DCC: variants seen among roughly 807,000 people sequenced by gnomAD.
DCC encodes netrin receptor DCC.
DCC carries 58 observed loss-of-function variants against 172.5 expected under a neutral mutation model. The observed-to-expected ratio is 0.34, with a 90% CI of 0.27 to 0.42. The LOEUF (loss-of-function observed/expected upper bound fraction) is 0.42. DCC is among the 10% of genes least tolerant of loss of function. The pLI, the probability that DCC is intolerant of heterozygous loss-of-function variation, is 1.00. For synonymous variants in DCC, 709 were observed against 644.5 expected, an observed-to-expected ratio of 1.10 and a Z score of -1.52; for missense variants, 1,740 against 1,791.0, an observed-to-expected ratio of 0.97 and a Z score of 0.51.
chr18:53,002,755 G>C (rs7228076), intron 5 of DCC, among the ~76,000 whole-genome samples: 13 of 151,892 alleles, frequency 8.6e-5, no homozygotes, highest in South Asian at 2.1e-4. Context: ...TAAAAGAAAC[G>C]TTTATTTTTG....
intron 8 of DCC, among the ~76,000 whole-genome samples, chr18:53,164,031 G>T (rs575773524): frequency 6.6e-6 from 1 of 152,102 alleles, no homozygotes; most frequent in Non-Finnish European, 1.5e-5. Flanking sequence ...CTAGAATTTC[G>T]TGCAGACCAT....
At chr18:53,450,800 C>T (rs2045401930) in intron 23 of DCC, 138 bp downstream of exon 23, 1 of 747,810 alleles carries the variant, frequency 1.3e-6, no homozygotes, top group African/African-American at 1.7e-5. Flanking sequence ...TGCGTTTTGT[C>T]TATTCCAGGC....
At chr18:52,644,754 GAGAA>G (rs1385434101) in intron 1 of DCC, among the ~76,000 whole-genome samples, 4 of 110,540 alleles carry the variant, frequency 3.6e-5, no homozygotes, top group African/African-American at 1.6e-4. Flanking sequence ...GAAAGAAAGA[GAGAA>G]AGAGAGAAGG....
intron 5 of DCC, among the ~76,000 whole-genome samples, chr18:52,988,290 T>C (rs1432340964): frequency 6.6e-6 from 1 of 152,168 alleles, no homozygotes; most frequent in Admixed American, 6.5e-5. Flanking sequence ...GTCTTTCCTC[T>C]TACTTTATAC....
At chr18:53,098,707 C>T (rs542979589) in intron 7 of DCC, among the ~76,000 whole-genome samples, 2 of 152,170 alleles carry the variant, frequency 1.3e-5, no homozygotes, top group South Asian at 2.1e-4. Context: ...ACTTTGCCCC[C>T]CTTTATAATT....
chr18:53,379,175 G>T (rs1599084379), intron 15 of DCC, among the ~76,000 whole-genome samples: 2 of 152,306 alleles, frequency 1.3e-5, no homozygotes, highest in Non-Finnish European at 2.9e-5. Context: ...CTGGTTCATT[G>T]CAATGAGCAG....
intron 7 of DCC, among the ~76,000 whole-genome samples, chr18:53,092,305 C>T (rs192800711): frequency 7.9e-5 from 12 of 152,010 alleles, no homozygotes; most frequent in East Asian, 1.9e-4. Context: ...ATTTGGGAAC[C>T]GAAGTCGTAA....
intron 9 of DCC, among the ~76,000 whole-genome samples, chr18:53,182,117 G>A (rs1368323184): frequency 6.6e-6 from 1 of 152,138 alleles, no homozygotes; most frequent in Non-Finnish European, 1.5e-5. Flanking sequence ...AAATGATAAG[G>A]CATAAAATAA....
At chr18:53,184,465 T>C (rs1412082900) in intron 9 of DCC, among the ~76,000 whole-genome samples, 1 of 152,072 alleles carries the variant, frequency 6.6e-6, no homozygotes, top group Non-Finnish European at 1.5e-5. Context: ...CTCTATGGTA[T>C]AGTCTACTAC....
chr18:52,812,689 T>C (rs2038224515), intron 2 of DCC, among the ~76,000 whole-genome samples: 1 of 152,226 alleles, frequency 6.6e-6, no homozygotes, highest in Admixed American at 6.5e-5. Flanking sequence ...GCTTAAATAG[T>C]GCTTAAGAAT....
intron 2 of DCC, among the ~76,000 whole-genome samples, chr18:52,856,640 AAAAG>A (rs2039060377): frequency 6.7e-6 from 1 of 149,624 alleles, no homozygotes; most frequent in Non-Finnish European, 1.5e-5. Flanking sequence ...AAAAAAAAAA[AAAAG>A]AAAACAAAAT....
intron 5 of DCC, among the ~76,000 whole-genome samples, chr18:53,049,007 C>T (rs1200202282): frequency 6.6e-6 from 1 of 151,872 alleles, no homozygotes; most frequent in African/African-American, 2.4e-5. Flanking sequence ...TTTTCAAGTC[C>T]TTTGCCTAGT....
intron 15 of DCC, among the ~76,000 whole-genome samples, chr18:53,364,571 G>A (rs768579297): frequency 6.6e-6 from 1 of 151,934 alleles, no homozygotes; most frequent in Non-Finnish European, 1.5e-5. Flanking sequence ...AACCTTCATC[G>A]ACCATTAAGT....
chr18:53,182,076 A>G (rs16956305), intron 9 of DCC, among the ~76,000 whole-genome samples: 12,595 of 152,308 alleles, frequency 0.083, 634 homozygotes, highest in African/African-American at 0.13. Flanking sequence ...CCAAGTCTCT[A>G]TAAGCATTTA....
intron 1 of DCC, among the ~76,000 whole-genome samples, chr18:52,722,661 A>G (rs2036490572): frequency 6.6e-6 from 1 of 152,038 alleles, no homozygotes; most frequent in African/African-American, 2.4e-5. Flanking sequence ...GTTCAGACGC[A>G]TCTGTCCATT....
chr18:52,784,674 A>G (rs1006331417), intron 2 of DCC, among the ~76,000 whole-genome samples: 1 of 151,906 alleles, frequency 6.6e-6, no homozygotes, highest in African/African-American at 2.4e-5. Context: ...TTGATATTGA[A>G]AATTTTTTAA....
At chr18:53,247,128 C>T (rs2144650108) in intron 12 of DCC, among the ~76,000 whole-genome samples, 1 of 152,164 alleles carries the variant, frequency 6.6e-6, no homozygotes, top group African/African-American at 2.4e-5. Flanking sequence ...ACTATACACA[C>T]AGTTTGGACT....
chr18:52,831,451 G>GT (rs2038612173), intron 2 of DCC, among the ~76,000 whole-genome samples: 1 of 152,178 alleles, frequency 6.6e-6, no homozygotes, highest in African/African-American at 2.4e-5. Flanking sequence ...CAGTTAAGCT[G>GT]TTGCAACAAT....
At chr18:52,379,752 C>G (rs1223981405) in intron 1 of DCC, among the ~76,000 whole-genome samples, 1 of 152,168 alleles carries the variant, frequency 6.6e-6, no homozygotes, top group East Asian at 1.9e-4. Flanking sequence ...ATTGAACAGT[C>G]TGAAGCAGCT....
Sources: gnomAD v4.1 joint callset for allele counts (sites outside exome capture counted in the v4.1 genomes callset) on GRCh38, gnomAD v4.1.1 for gene constraint, MANE v1.5 for transcripts, NCBI Gene and HGNC (gene_info 2026-07-23, HGNC 2026-07-21) for gene names.